The following TNRC6C variants were observed in gnomAD, a reference collection of about 807,000 sequenced individuals.
TNRC6C encodes the protein trinucleotide repeat-containing gene 6C protein.
TNRC6C carries 20 observed loss-of-function variants against 153.7 expected under a neutral mutation model. The ratio of observed to expected loss-of-function variants is 0.13; its 90% confidence interval spans 0.09 to 0.19. The LOEUF (loss-of-function observed/expected upper bound fraction) is 0.19, where lower values mean the gene tolerates loss of function less well. Among genes scored for constraint, TNRC6C ranks in the 10% least tolerant of loss-of-function variants. TNRC6C has a pLI of 1.00. For synonymous variants in TNRC6C, 811 were observed against 841.4 expected, an observed-to-expected ratio of 0.96 and a Z score of 0.63; for missense variants, 1,987 against 2,172.0, an observed-to-expected ratio of 0.91 and a Z score of 1.69.
intron 11 of TNRC6C, among the ~76,000 whole-genome samples, chr17:78,085,719 G>A (rs2073267497): frequency 6.6e-6 from 1 of 152,168 alleles, no homozygotes; most frequent in Non-Finnish European, 1.5e-5. Context: ...ATGTTAGGGA[G>A]ATAACCACGT....
At chr17:78,072,949 G>A in intron 6 of TNRC6C, 88 bp from the exon 9 acceptor site, 1 of 934,250 alleles carries the variant, frequency 1.1e-6, no homozygotes, top group East Asian at 2.7e-5. Context: ...TAATAACTAT[G>A]TCTTTAAGTT....
exon 17 of TNRC6C, chr17:78,098,508 C>T (rs1276436207): frequency 6.2e-7 from 1 of 1,613,642 alleles, no homozygotes; most frequent in Admixed American, 1.7e-5. Flanking sequence ...GGTGCCAGCC[C>T]CCTCGGCTGG....
At chr17:78,003,506 G>A (rs1159518222), upstream of TNRC6C, among the ~76,000 whole-genome samples, 1 of 152,064 alleles carries the variant, frequency 6.6e-6, no homozygotes, top group African/African-American at 2.4e-5. Flanking sequence ...CTCAGTAGAA[G>A]GATTAGAAGA....
At chr17:77,985,590 A>G (rs916976682) in intron 1 of TNRC6C, among the ~76,000 whole-genome samples, 14 of 149,456 alleles carry the variant, frequency 9.4e-5, no homozygotes, top group African/African-American at 3.5e-4. Context: ...CAACAGAGCG[A>G]GACTCCGTCT....
At chr17:78,048,372 A>G (rs1186737519) in intron 2 of TNRC6C, among the ~76,000 whole-genome samples, 1 of 152,086 alleles carries the variant, frequency 6.6e-6, no homozygotes, top group South Asian at 2.1e-4. Flanking sequence ...GCAATTTACA[A>G]TTTTTTTCTA....
intron 1 of TNRC6C, among the ~76,000 whole-genome samples, chr17:77,996,699 T>C (rs1488189097): frequency 6.6e-6 from 1 of 152,224 alleles, no homozygotes; most frequent in Admixed American, 6.5e-5. Flanking sequence ...TTTTTGGCTC[T>C]CTCTGGTTGA....
chr17:77,982,538 T>C (rs769030897), intron 1 of TNRC6C, among the ~76,000 whole-genome samples: 6 of 152,092 alleles, frequency 3.9e-5, no homozygotes, highest in Non-Finnish European at 8.8e-5. Flanking sequence ...GATCATAGAA[T>C]AGGAGGAACA....
chr17:78,076,206 A>C (rs1046738444), intron 8 of TNRC6C, among the ~76,000 whole-genome samples: 2 of 149,410 alleles, frequency 1.3e-5, no homozygotes, highest in Non-Finnish European at 3.0e-5. Flanking sequence ...AGAGAGCGAT[A>C]CTCTGTCTCA....
intron 1 of TNRC6C, among the ~76,000 whole-genome samples, chr17:78,027,999 CA>C (rs2071977080): frequency 6.6e-6 from 1 of 151,650 alleles, no homozygotes; most frequent in African/African-American, 2.4e-5. Context: ...GGGTTCACGC[CA>C]TTCTCCTGCC....
At position 77,961,524 on chromosome 17, in the gene TNRC6C, TAAC is replaced by T. The variant is rs200690001; in HGVS notation, c.-38+2259_-38+2261del. Among the ~76,000 whole-genome samples the T allele has an allele frequency of 8.8e-3, 1,348 of 152,348 alleles. 20 individuals carry two copies. The highest frequency in any genetic ancestry group is 0.03 in the African/African-American group (1,254 of 41,566). The stretch of plus-strand genomic sequence containing the variant: ...GACTGTCTGTCATAAGGTTTAATCT[TAAC>T]AATTTCATTTCGGATTCTGCCATTT... On this transcript the variant is annotated intron_variant, in intron 1 of 22. Transcript: ENST00000636222.
intron 2 of TNRC6C, among the ~76,000 whole-genome samples, chr17:78,035,471 TGA>T (rs2072161104): frequency 6.6e-6 from 1 of 152,208 alleles, no homozygotes; most frequent in Non-Finnish European, 1.5e-5. Context: ...GTTGTTAGTG[TGA>T]GACTGGTGAG....
At chr17:78,027,436 A>G (rs958667078) in intron 1 of TNRC6C, among the ~76,000 whole-genome samples, 2 of 152,212 alleles carry the variant, frequency 1.3e-5, no homozygotes, top group South Asian at 2.1e-4. Flanking sequence ...CACTCTGCAC[A>G]CAAACACCGC....
At chr17:78,011,410 T>C (rs1369941945) in intron 1 of TNRC6C, among the ~76,000 whole-genome samples, 1 of 152,198 alleles carries the variant, frequency 6.6e-6, no homozygotes, top group Admixed American at 6.5e-5. Context: ...AGTTTTTATT[T>C]CTAGAACATT....
upstream of TNRC6C, among the ~76,000 whole-genome samples, chr17:78,003,442 A>G (rs2071444474): frequency 6.6e-6 from 1 of 152,214 alleles, no homozygotes; most frequent in Non-Finnish European, 1.5e-5. Context: ...GTTGTGGAAA[A>G]GGAGCATTCA....
At chr17:78,069,790 G>A (rs1411630452) in intron 5 of TNRC6C, among the ~76,000 whole-genome samples, 1 of 152,190 alleles carries the variant, frequency 6.6e-6, no homozygotes, top group Non-Finnish European at 1.5e-5. Context: ...AGAAAAACAT[G>A]TACAGCACAC....
At chr17:78,083,243 G>A (rs1167762256) in intron 11 of TNRC6C, 77 bp downstream of exon 13, 1 of 1,587,676 alleles carries the variant, frequency 6.3e-7, no homozygotes, top group Non-Finnish European at 8.6e-7. Context: ...AGCAGCAGTT[G>A]TGATAATGTT....
chr17:78,035,039 A>ACTTGTTATGCCAC (rs1261551813), intron 2 of TNRC6C, among the ~76,000 whole-genome samples: 29 of 152,270 alleles, frequency 1.9e-4, no homozygotes, highest in African/African-American at 7.0e-4. Flanking sequence ...GGAAACTAGA[A>ACTTGTTATGCCAC]CTTGTTATGC....
chr17:78,037,683 A>G (rs1024232453), intron 2 of TNRC6C, among the ~76,000 whole-genome samples: 1 of 152,226 alleles, frequency 6.6e-6, no homozygotes, highest in African/African-American at 2.4e-5. Context: ...ATGTAAGGCT[A>G]CAGAAGTTGG....
chr17:77,964,647 G>A (rs924092725), intron 1 of TNRC6C, among the ~76,000 whole-genome samples: 6 of 152,136 alleles, frequency 3.9e-5, no homozygotes, highest in Non-Finnish European at 7.3e-5. Flanking sequence ...ATAGCAACTG[G>A]GAATTAAACT....
Sources: gnomAD v4.1 joint callset for allele counts (sites outside exome capture counted in the v4.1 genomes callset) on GRCh38, gnomAD v4.1.1 for gene constraint, MANE v1.5 for transcripts, NCBI Gene and HGNC (gene_info 2026-07-23, HGNC 2026-07-21) for gene names.